PTPRD: variants seen among roughly 807,000 people sequenced by gnomAD.
PTPRD encodes the protein receptor-type tyrosine-protein phosphatase delta.
Under a neutral mutation model 214.5 loss-of-function variants are expected in PTPRD, and 34 were observed. The ratio of observed to expected loss-of-function variants is 0.16; its 90% CI spans 0.12 to 0.21. The LOEUF is 0.21. PTPRD is among the 10% of genes least tolerant of loss of function. The pLI is 1.00. For missense variants in PTPRD, 2,545 were observed against 2,398.7 expected (o/e 1.06, Z -1.27); for synonymous variants, 1,128 against 845.7 (o/e 1.33, Z -5.79).
At chr9:9,149,370 A>G (rs1191970869) in intron 10 of PTPRD, among the ~76,000 whole-genome samples, 1 of 152,196 alleles carries the variant, frequency 6.6e-6, no homozygotes, top group African/African-American at 2.4e-5. Flanking sequence ...GTGGTAAGGC[A>G]ACAAAGATAT....
intron 9 of PTPRD, among the ~76,000 whole-genome samples, chr9:9,215,828 G>A (rs142729529): frequency 6.6e-6 from 1 of 152,240 alleles, no homozygotes; most frequent in African/African-American, 2.4e-5. Context: ...TAGGGAGTCA[G>A]AACACCACAA....
At chr9:9,996,226 C>A (rs187055438) in intron 4 of PTPRD, among the ~76,000 whole-genome samples, 20 of 152,190 alleles carry the variant, frequency 1.3e-4, no homozygotes, top group Admixed American at 1.3e-3. Flanking sequence ...TAGTTCATAA[C>A]TTAAGTTGGG....
At chr9:9,093,940 G>T (rs188679180) in intron 10 of PTPRD, among the ~76,000 whole-genome samples, 222 of 147,946 alleles carry the variant, frequency 1.5e-3, no homozygotes, top group African/African-American at 5.2e-3. Context: ...CAAGTAGAAA[G>T]AAAAAAAAAG....
At chr9:10,357,160 T>C (rs555996647) in intron 2 of PTPRD, among the ~76,000 whole-genome samples, 1 of 152,102 alleles carries the variant, frequency 6.6e-6, no homozygotes, top group South Asian at 2.1e-4. Context: ...GAAACATAAA[T>C]CCTCATCTAT....
chr9:8,893,174 A>G (rs1365862346), intron 11 of PTPRD, among the ~76,000 whole-genome samples: 1 of 152,166 alleles, frequency 6.6e-6, no homozygotes, highest in Admixed American at 6.5e-5. Context: ...ATAGGAACGG[A>G]CCAAGAGAGA....
chr9:8,925,879 C>G lies in PTPRD; in HGVS notation c.-104+92818G>C, dbSNP rs202087986. ...CAATATTTTTTTTTTTTTTTTTTTA[C>G]TGATCTCTTGCTTTCAAGTTTGTCC... On this transcript the variant is annotated intron_variant, in intron 11 of 45. Transcript: ENST00000381196. Among the ~76,000 whole-genome samples, 256 of 51,136 alleles carry G rather than the reference C, an allele frequency of 5.0e-3. 1 individual carries two copies. The highest frequency in any genetic ancestry group is 0.015 in the African/African-American group (243 of 16,716). The allele number at this position is 51,136 out of a possible 152,430, so 33.5% of individuals were successfully genotyped here.
At chr9:9,594,578 C>A (rs2093091888) in intron 7 of PTPRD, among the ~76,000 whole-genome samples, 1 of 152,024 alleles carries the variant, frequency 6.6e-6, no homozygotes, top group South Asian at 2.1e-4. Flanking sequence ...GATCAGTTGG[C>A]TGTAAGTATT....
chr9:9,866,477 G>A (rs547348015), intron 5 of PTPRD, among the ~76,000 whole-genome samples: 18 of 149,144 alleles, frequency 1.2e-4, no homozygotes, highest in East Asian at 5.8e-4. Flanking sequence ...GATAAAGCTC[G>A]TATTCTTAGA....
chr9:9,921,324 A>T (rs1218394735), intron 5 of PTPRD, among the ~76,000 whole-genome samples: 1 of 152,076 alleles, frequency 6.6e-6, no homozygotes, highest in Non-Finnish European at 1.5e-5. Context: ...AATACATAGT[A>T]AAATAGAAAT....
intron 44 of PTPRD, 141 bp from the exon 45 acceptor site, chr9:8,320,107 T>A: frequency 9.8e-7 from 1 of 1,016,314 alleles, no homozygotes; most frequent in Non-Finnish European, 1.4e-6. Flanking sequence ...GGTATCACAT[T>A]CATCAAATGA....
intron 14 of PTPRD, among the ~76,000 whole-genome samples, chr9:8,537,508 A>C (rs1218803898): frequency 6.6e-6 from 1 of 152,028 alleles, no homozygotes; most frequent in Non-Finnish European, 1.5e-5. Flanking sequence ...TATGGCTATA[A>C]ATCAATCAGC....
intron 11 of PTPRD, among the ~76,000 whole-genome samples, chr9:8,871,781 A>G (rs200541434): frequency 1.1e-5 from 1 of 89,748 alleles, no homozygotes; most frequent in South Asian, 5.3e-4. Context: ...TACAGCAATA[A>G]TAATAATAAT....
chr9:10,281,342 A>T (rs2095099449), intron 3 of PTPRD, among the ~76,000 whole-genome samples: 1 of 146,982 alleles, frequency 6.8e-6, no homozygotes, highest in African/African-American at 2.7e-5. Context: ...TGAAATCATG[A>T]TATTTAGAAA....
At chr9:9,694,747 C>T (rs1034444597) in intron 7 of PTPRD, among the ~76,000 whole-genome samples, 1 of 152,150 alleles carries the variant, frequency 6.6e-6, no homozygotes, top group African/African-American at 2.4e-5. Flanking sequence ...CCTGTGGCTG[C>T]CACCACCACT....
chr9:8,488,927 A>C (rs572505411), intron 27 of PTPRD, among the ~76,000 whole-genome samples: 9 of 150,904 alleles, frequency 6.0e-5, no homozygotes, highest in African/African-American at 2.2e-4. Context: ...AACAGATTAA[A>C]CATATTTATT....
rs2097186374 is a variant in PTPRD at position 10,036,574 on chromosome 9, TTTTA to T, written c.-544-2788_-544-2785del. 4.0e-5 allele frequency among the ~76,000 whole-genome samples: 6 copies of T among 150,342 alleles called. No individual in the cohort carries two copies. In the South Asian group the frequency reaches 1.1e-3, roughly 27 times the overall value. On this transcript the variant is annotated intron_variant, in intron 3 of 45. Transcript: ENST00000381196. The stretch of plus-strand genomic sequence containing the variant: ...CCACAAACAGCACAAATACATTTTT[TTTTA>T]TTTTATTTCATTTTATTATATTTTT...
chr9:10,535,261 T>G (rs1311642556), intron 2 of PTPRD, among the ~76,000 whole-genome samples: 1 of 152,184 alleles, frequency 6.6e-6, no homozygotes, highest in Non-Finnish European at 1.5e-5. Context: ...ACTAAAAAAT[T>G]GAGGGGAAAA....
intron 8 of PTPRD, among the ~76,000 whole-genome samples, chr9:9,551,107 T>G (rs2080115825): frequency 6.6e-6 from 1 of 151,968 alleles, no homozygotes; most frequent in East Asian, 1.9e-4. Context: ...TAATGTATAT[T>G]CTTGAAAAAT....
intron 2 of PTPRD, among the ~76,000 whole-genome samples, chr9:10,381,862 T>C (rs901626905): frequency 1.3e-5 from 2 of 151,976 alleles, no homozygotes; most frequent in Non-Finnish European, 2.9e-5. Context: ...ACTTAATCTC[T>C]GTAGCTCTCA....
Sources: allele counts gnomAD v4.1 joint callset (sites outside exome capture counted in the v4.1 genomes callset), GRCh38; gene constraint gnomAD v4.1.1; transcripts MANE v1.5; gene names NCBI Gene and HGNC (gene_info 2026-07-23, HGNC 2026-07-21).